Variants in ENPEP observed in about 807,000 individuals in gnomAD.
The protein encoded by ENPEP is AP-A.
ENPEP carries 103 observed loss-of-function variants against 114.5 expected under a neutral mutation model. That is an observed-to-expected ratio of 0.90 (90% CI 0.77 to 1.06). The LOEUF is 1.06. Among genes scored for constraint, ENPEP ranks in the 50% least tolerant of loss-of-function variants. ENPEP has a pLI of 0.00. For missense variants in ENPEP, 1,196 were observed against 1,161.3 expected (o/e 1.03, Z -0.43); for synonymous variants, 420 against 422.0 (o/e 1.00, Z 0.06).
Position 110,549,430 on chromosome 4 carries a change from C to CT in ENPEP, c.2225+16dup, listed in dbSNP as rs759132604. ...AGACCATGTCACAAAGTTATTCTCA[C>CT]TTTTTAACAACTAAAATTCATTTAA... On this transcript the variant is annotated intron_variant, in intron 15 of 19. Transcript: ENST00000265162. 5 of 1,613,006 alleles carry CT rather than the reference C, an allele frequency of 3.1e-6. No individual in the cohort carries two copies. The highest frequency in any genetic ancestry group is 4.2e-6 in the Non-Finnish European group (5 of 1,179,290).
intron 11 of ENPEP, among the ~76,000 whole-genome samples, chr4:110,541,561 G>A (rs192488649): frequency 2.2e-4 from 34 of 152,066 alleles, no homozygotes; most frequent in East Asian, 2.1e-3. Context: ...TCTTCTTGTC[G>A]CTAGAATCGC....
intron 3 of ENPEP, among the ~76,000 whole-genome samples, chr4:110,493,018 C>T (rs1245064593): frequency 2.6e-5 from 4 of 152,290 alleles, no homozygotes; most frequent in East Asian, 1.9e-4. Flanking sequence ...GACAAAGTCT[C>T]ATAGGTAAGA....
At chr4:110,519,232 G>A in intron 8 of ENPEP, 1 of 398,728 alleles carries the variant, frequency 2.5e-6, no homozygotes, top group South Asian at 1.9e-5. Context: ...GAGGTAACGT[G>A]ATTTAGGTAC....
Position 110,476,419 on chromosome 4 carries a change from A to T in ENPEP, c.5A>T (p.Asn2Ile). ...CACTTGACTTTGGAAGCAAAAATGAACTTTGCGGAGAGAGAGGGCTCTAAG... is the reference window on the plus strand; with the variant it reads ...CACTTGACTTTGGAAGCAAAAATGATCTTTGCGGAGAGAGAGGGCTCTAAG... M[N>I]FAEREGSKRY... is the part of the protein sequence containing the mutation. Residue 2 changes from asparagine to isoleucine, a missense_variant, in exon 1 of 20, where the codon AAC becomes ATC. Transcript: ENST00000265162. 1 of 1,513,952 alleles carries T rather than the reference A, an allele frequency of 6.6e-7. No individual in the cohort carries two copies. The highest frequency in any genetic ancestry group is 8.8e-7 in the Non-Finnish European group (1 of 1,130,124). 93.8% of individuals were successfully genotyped at this position (1,513,952 alleles called of 1,614,324 possible).
At chr4:110,494,432 C>T (rs1216753392) in intron 3 of ENPEP, among the ~76,000 whole-genome samples, 2 of 152,182 alleles carry the variant, frequency 1.3e-5, no homozygotes, top group Admixed American at 6.5e-5. Context: ...GGTGACTATT[C>T]TTATCCATTC....
At chr4:110,515,983 T>C in intron 8 of ENPEP, 3 of 300,524 alleles carry the variant, frequency 1.0e-5, no homozygotes, top group South Asian at 6.0e-5. Flanking sequence ...CATCTAAATG[T>C]GACAGCTCCC....
chr4:110,527,578 C>T (rs141661767), intron 10 of ENPEP, among the ~76,000 whole-genome samples: 28 of 152,184 alleles, frequency 1.8e-4, no homozygotes, highest in African/African-American at 6.7e-4. Flanking sequence ...TGAATTGAAA[C>T]ATAGATCTGA....
chr4:110,513,430 C>T lies in ENPEP; in HGVS notation c.1324C>T (p.Leu442Phe). The T allele has an allele frequency of 6.2e-7, 1 of 1,611,526 alleles. No individual in the cohort carries two copies. The highest frequency in any genetic ancestry group is 8.5e-7 in the Non-Finnish European group (1 of 1,178,876). ...TDWQMRDQML[L>F]EDVLPVQEDD... ...TTCATTTCAGCGTGACCAAATGTTA[C>T]TTGAAGATGTATTACCTGTTCAAGA... Residue 442 changes from leucine to phenylalanine, a missense_variant, in exon 7 of 20, where the codon CTT becomes TTT. Transcript: ENST00000265162.
intron 2 of ENPEP, among the ~76,000 whole-genome samples, chr4:110,489,970 C>T (rs998222758): frequency 9.2e-5 from 14 of 152,102 alleles, no homozygotes; most frequent in African/African-American, 3.1e-4. Flanking sequence ...ATCCATGCCT[C>T]AGTGAGAATT....
intron 18 of ENPEP, chr4:110,559,081 T>C (rs981627919): frequency 4.6e-5 from 7 of 152,328 alleles, no homozygotes; most frequent in Admixed American, 1.3e-4. Context: ...GTTCTCACTA[T>C]GGTTAGACTC....
At chr4:110,517,233 C>T (rs898893568) in intron 8 of ENPEP, among the ~76,000 whole-genome samples, 1 of 152,266 alleles carries the variant, frequency 6.6e-6, no homozygotes, top group South Asian at 2.1e-4. Flanking sequence ...AACCACTGTG[C>T]CCTGCCCATT....
chr4:110,499,638 T>A, intron 3 of ENPEP, among the ~76,000 whole-genome samples: 1 of 152,186 alleles, frequency 6.6e-6, no homozygotes, highest in Non-Finnish European at 1.5e-5. Context: ...TTTGGGGCAA[T>A]GTCTTATAAT....
chr4:110,543,760 G>T (rs2110388136), intron 13 of ENPEP, among the ~76,000 whole-genome samples: 1 of 151,956 alleles, frequency 6.6e-6, no homozygotes, highest in East Asian at 1.9e-4. Context: ...TGGCTTTGTA[G>T]TCGCCTCATT....
chr4:110,476,585 T>C lies in ENPEP; in HGVS notation c.171T>C (p.Pro57=). 2 of 1,614,076 alleles carry C rather than the reference T, an allele frequency of 1.2e-6. No individual in the cohort carries two copies. The highest frequency in any genetic ancestry group is 1.7e-6 in the Non-Finnish European group (2 of 1,179,954). ...GCGGGCCGGGCACTGCGCCAGCTCC[T>C]TCCCACCTGCCTTCTTCCACGGCCA... is the stretch of plus-strand genomic sequence containing the variant. ...GDGGPGTAPA[P]SHLPSSTASP... is the part of the protein sequence containing the mutation. Residue 57 remains proline (P), a synonymous_variant, in exon 1 of 20, where the codon CCT becomes CCC. Transcript: ENST00000265162.
At chr4:110,528,985 C>G (rs1726302419) in intron 10 of ENPEP, among the ~76,000 whole-genome samples, 1 of 152,166 alleles carries the variant, frequency 6.6e-6, no homozygotes, top group Non-Finnish European at 1.5e-5. Flanking sequence ...TACATTAGAT[C>G]ATGTGATTCT....
At chr4:110,528,062 C>T (rs1373336269) in intron 10 of ENPEP, among the ~76,000 whole-genome samples, 3 of 152,222 alleles carry the variant, frequency 2.0e-5, no homozygotes, top group Admixed American at 6.5e-5. Flanking sequence ...AGACTTAGAA[C>T]ATAGAACTGT....
chr4:110,522,030 C>G (rs532996064), intron 10 of ENPEP, among the ~76,000 whole-genome samples: 115 of 152,082 alleles, frequency 7.6e-4, no homozygotes, highest in African/African-American at 2.7e-3. Flanking sequence ...AGGTGCATGC[C>G]ACCACACCCG....
chr4:110,496,688 C>T (rs1450258940), intron 3 of ENPEP, among the ~76,000 whole-genome samples: 1 of 152,040 alleles, frequency 6.6e-6, no homozygotes, highest in Non-Finnish European at 1.5e-5. Flanking sequence ...GAGTACTGTT[C>T]AGGTATTTCG....
chr4:110,492,277 A>G (rs890917051), intron 3 of ENPEP, among the ~76,000 whole-genome samples: 3 of 152,234 alleles, frequency 2.0e-5, no homozygotes, highest in African/African-American at 7.2e-5. Context: ...ATTCAAGATT[A>G]CCCAGCTGGC....
Sources: gnomAD v4.1 joint callset for allele counts (sites outside exome capture counted in the v4.1 genomes callset) on GRCh38, gnomAD v4.1.1 for gene constraint, MANE v1.5 for transcripts, NCBI Gene and HGNC (gene_info 2026-07-23, HGNC 2026-07-21) for gene names.